ASIC2: variants seen among roughly 807,000 people sequenced by gnomAD.
ASIC2 encodes the protein acid-sensing ion channel 2.
A neutral mutation model predicts 57.3 loss-of-function variants in ASIC2; 25 were observed. The observed-to-expected ratio is 0.44, with a 90% confidence interval of 0.32 to 0.61. The LOEUF is 0.61. Ranked by LOEUF, ASIC2 falls within the 20% of genes least tolerant of loss-of-function variation. ASIC2 has a pLI of 0.06. For synonymous variants in ASIC2, 319 were observed against 307.5 expected (o/e 1.04, Z -0.39); for missense variants, 641 against 738.1 (o/e 0.87, Z 1.52).
intron 1 of ASIC2, among the ~76,000 whole-genome samples, chr17:34,080,497 G>A (rs1302145091): frequency 2.6e-5 from 4 of 152,186 alleles, no homozygotes; most frequent in Non-Finnish European, 5.9e-5. Flanking sequence ...CTTTCCAACT[G>A]GATGACCTTA....
At chr17:33,689,142 A>G (rs1432405470) in intron 1 of ASIC2, 1 of 152,232 alleles carries the variant, frequency 6.6e-6, no homozygotes, top group African/African-American at 2.4e-5. Context: ...CCTCAGTTGA[A>G]AGACAATATC....
At chr17:34,132,440 A>T (rs970790411) in intron 1 of ASIC2, among the ~76,000 whole-genome samples, 11 of 151,800 alleles carry the variant, frequency 7.2e-5, no homozygotes, top group Admixed American at 1.3e-4. Flanking sequence ...TTATTCCCTT[A>T]TTTGTCTCCG....
chr17:33,651,559 C>T (rs1350449187), intron 1 of ASIC2, among the ~76,000 whole-genome samples: 1 of 152,180 alleles, frequency 6.6e-6, no homozygotes, highest in Non-Finnish European at 1.5e-5. Flanking sequence ...ATGACACTTC[C>T]TCTAGTGAAG....
intron 1 of ASIC2, among the ~76,000 whole-genome samples, chr17:33,508,560 T>C (rs557092227): frequency 6.6e-6 from 1 of 152,276 alleles, no homozygotes; most frequent in African/African-American, 2.4e-5. Context: ...CATAGTGCTT[T>C]CCATGCAGTG....
At chr17:33,509,716 G>A (rs1022543021) in intron 1 of ASIC2, among the ~76,000 whole-genome samples, 1 of 152,182 alleles carries the variant, frequency 6.6e-6, no homozygotes, top group East Asian at 1.9e-4. Context: ...ATGAAAATTT[G>A]GATTGTTGGA....
chr17:33,212,543 T>G (rs145178913), intron 1 of ASIC2, among the ~76,000 whole-genome samples: 1 of 152,346 alleles, frequency 6.6e-6, no homozygotes, highest in East Asian at 1.9e-4. Context: ...AAGTTTCTGT[T>G]GTTTTAAGCC....
intron 1 of ASIC2, among the ~76,000 whole-genome samples, chr17:33,331,244 T>A (rs1907300895): frequency 6.6e-6 from 1 of 152,156 alleles, no homozygotes; most frequent in Non-Finnish European, 1.5e-5. Flanking sequence ...CATGGAAAAA[T>A]TCTCTTCCAC....
chr17:33,754,530 T>C (rs1182679215), intron 1 of ASIC2, among the ~76,000 whole-genome samples: 2 of 152,204 alleles, frequency 1.3e-5, no homozygotes, highest in Non-Finnish European at 2.9e-5. Flanking sequence ...CTGCAAACTC[T>C]GAAAGGTGAA....
At chr17:33,069,376 T>C (rs771330915) in intron 3 of ASIC2, among the ~76,000 whole-genome samples, 1 of 152,200 alleles carries the variant, frequency 6.6e-6, no homozygotes, top group Non-Finnish European at 1.5e-5. Flanking sequence ...TGTTCAAATC[T>C]TCTATATCCT....
chr17:33,363,113 T>C (rs1438835431), intron 1 of ASIC2, among the ~76,000 whole-genome samples: 2 of 152,102 alleles, frequency 1.3e-5, no homozygotes, highest in Non-Finnish European at 2.9e-5. Context: ...GCCCAGAAAG[T>C]CAACTCTTAA....
At chr17:33,296,666 A>AACC (rs550647300), upstream of ASIC2, among the ~76,000 whole-genome samples, 978 of 152,012 alleles carry the variant, frequency 6.4e-3, 7 homozygotes, top group African/African-American at 0.022. Context: ...TCTGGGGTAT[A>AACC]ACCACCACCA....
intron 1 of ASIC2, among the ~76,000 whole-genome samples, chr17:33,872,751 G>A (rs956667117): frequency 5.3e-5 from 8 of 152,242 alleles, no homozygotes; most frequent in African/African-American, 1.4e-4. Flanking sequence ...AGGAGGAGAC[G>A]AGGGCAAAGG....
chr17:33,134,487 C>G (rs1035584008), intron 1 of ASIC2, among the ~76,000 whole-genome samples: 2 of 152,184 alleles, frequency 1.3e-5, no homozygotes, highest in Non-Finnish European at 2.9e-5. Flanking sequence ...ATGTAGTCCC[C>G]TTATACTAAA....
At chr17:34,068,140 T>A (rs1191338320) in intron 1 of ASIC2, among the ~76,000 whole-genome samples, 1 of 152,190 alleles carries the variant, frequency 6.6e-6, no homozygotes, top group Non-Finnish European at 1.5e-5. Context: ...CCAAATCGGG[T>A]AGGTGTGGAG....
chr17:33,854,064 A>G (rs1246883095), intron 1 of ASIC2, among the ~76,000 whole-genome samples: 1 of 152,254 alleles, frequency 6.6e-6, no homozygotes, highest in Non-Finnish European at 1.5e-5. Flanking sequence ...GAACTCAACA[A>G]AAGTCTATTC....
At chr17:33,614,079 G>A (rs1905516044) in intron 1 of ASIC2, among the ~76,000 whole-genome samples, 1 of 152,158 alleles carries the variant, frequency 6.6e-6, no homozygotes, top group Non-Finnish European at 1.5e-5. Context: ...AACAGTACAG[G>A]TGAATGCTGT....
chr17:33,056,715 G>A (rs988709345), intron 3 of ASIC2, among the ~76,000 whole-genome samples: 1 of 152,142 alleles, frequency 6.6e-6, no homozygotes, highest in Non-Finnish European at 1.5e-5. Flanking sequence ...GAGCAGAATA[G>A]GCTATTAAAT....
intron 1 of ASIC2, among the ~76,000 whole-genome samples, chr17:33,560,265 G>A (rs371325680): frequency 7.2e-5 from 11 of 152,268 alleles, no homozygotes; most frequent in Admixed American, 3.3e-4. Context: ...AAAACAGATC[G>A]ATAGCAAGCA....
intron 1 of ASIC2, among the ~76,000 whole-genome samples, chr17:33,766,326 G>A (rs1910935296): frequency 6.6e-6 from 1 of 152,200 alleles, no homozygotes; most frequent in Non-Finnish European, 1.5e-5. Flanking sequence ...GCTTCAAGCA[G>A]CTGCTGAGGC....
Sources: gnomAD v4.1 joint callset for allele counts (sites outside exome capture counted in the v4.1 genomes callset) on GRCh38, gnomAD v4.1.1 for gene constraint, MANE v1.5 for transcripts, NCBI Gene and HGNC (gene_info 2026-07-23, HGNC 2026-07-21) for gene names.